The following GRIP1 variants were observed in gnomAD, a reference collection of about 807,000 sequenced individuals.
GRIP1 encodes glutamate receptor-interacting protein 1.
A neutral mutation model predicts 129.9 loss-of-function variants in GRIP1; 45 were observed. That is an observed-to-expected ratio of 0.35 (90% CI 0.27 to 0.44). The LOEUF (loss-of-function observed/expected upper bound fraction) is 0.44, where lower values mean the gene tolerates loss of function less well. Ranked by LOEUF, GRIP1 falls within the 20% of genes least tolerant of loss-of-function variation. The pLI is 1.00. For missense variants in GRIP1, 1,196 were observed against 1,396.8 expected, an observed-to-expected ratio of 0.86 and a Z score of 2.29; for synonymous variants, 530 against 520.8, an observed-to-expected ratio of 1.02 and a Z score of -0.24.
In GRIP1 at chr12:66,519,474, T is replaced by C. The variant is rs1473780368; in HGVS notation, c.503-1498A>G. ...AAAGGAAAACTGATTGAGAAAAGGATGGGGGTCAAAGATAGCAAGAAATCG... is the reference window on the plus strand; with the variant it reads ...AAAGGAAAACTGATTGAGAAAAGGACGGGGGTCAAAGATAGCAAGAAATCG... On this transcript the variant is annotated intron_variant, in intron 5 of 24. Transcript: ENST00000359742. 2.0e-5 allele frequency among the ~76,000 whole-genome samples: 3 copies of C among 152,178 alleles called. No homozygotes were observed. In the East Asian group the frequency reaches 5.8e-4, roughly 29 times the overall value.
intron 1 of GRIP1, among the ~76,000 whole-genome samples, chr12:66,792,845 A>G (rs949807846): frequency 6.6e-6 from 1 of 152,200 alleles, no homozygotes; most frequent in African/African-American, 2.4e-5. Flanking sequence ...CATAAATTAC[A>G]TAACTTGACA....
chr12:66,702,176 C>T (rs1380307317), intron 1 of GRIP1, among the ~76,000 whole-genome samples: 2 of 152,136 alleles, frequency 1.3e-5, no homozygotes, highest in Non-Finnish European at 2.9e-5. Flanking sequence ...TTGGGCTAAT[C>T]TTTAAATATT....
intron 1 of GRIP1, among the ~76,000 whole-genome samples, chr12:66,874,595 A>G (rs1039026325): frequency 2.0e-4 from 31 of 152,170 alleles, no homozygotes; most frequent in African/African-American, 7.2e-4. Flanking sequence ...CAATCATGGA[A>G]GAAGGCGAAG....
intron 1 of GRIP1, among the ~76,000 whole-genome samples, chr12:66,821,456 C>T (rs867037304): frequency 1.3e-5 from 2 of 152,094 alleles, no homozygotes; most frequent in South Asian, 2.1e-4. Flanking sequence ...TCGTGGTTTC[C>T]CCCTAACATC....
chr12:66,971,151 T>C (rs1322362386), intron 1 of GRIP1, among the ~76,000 whole-genome samples: 1 of 152,202 alleles, frequency 6.6e-6, no homozygotes, highest in Non-Finnish European at 1.5e-5. Flanking sequence ...TTCTAGTCTA[T>C]GGTTCCAGTT....
intron 1 of GRIP1, among the ~76,000 whole-genome samples, chr12:66,603,072 C>T (rs1415213639): frequency 6.6e-6 from 1 of 151,238 alleles, no homozygotes; most frequent in Admixed American, 6.6e-5. Flanking sequence ...GTTGCCCAGG[C>T]TGGTCTCAAA....
intron 1 of GRIP1, among the ~76,000 whole-genome samples, chr12:66,999,346 GA>G (rs1315635573): frequency 2.6e-5 from 4 of 152,216 alleles, no homozygotes; most frequent in Non-Finnish European, 5.9e-5. Context: ...AAGGAAGTTG[GA>G]ATTTCCATTT....
chr12:66,397,506 C>T (rs542352612), intron 16 of GRIP1, among the ~76,000 whole-genome samples: 3 of 148,786 alleles, frequency 2.0e-5, no homozygotes, highest in South Asian at 4.2e-4. Flanking sequence ...CAGCAAGACA[C>T]CCTCTAAAAA....
At chr12:66,815,694 G>A (rs1282467109) in intron 1 of GRIP1, among the ~76,000 whole-genome samples, 3 of 152,034 alleles carry the variant, frequency 2.0e-5, no homozygotes, top group East Asian at 3.9e-4. Flanking sequence ...AGCTCGGGAA[G>A]TAGAGGCTGC....
chr12:66,906,299 G>A (rs1188045682), intron 1 of GRIP1, among the ~76,000 whole-genome samples: 1 of 151,748 alleles, frequency 6.6e-6, no homozygotes, highest in East Asian at 1.9e-4. Flanking sequence ...GCTGGGCATG[G>A]TGGACACACT....
rs180722701 is a variant in GRIP1, at chr12:66,641,411, C to A, written c.55+37439G>T. ...GGGGGAGGAAGGGGTGGGCCTGGATCCCTGAACACATTCTTATTTAGTTTT... is the reference window on the plus strand; with the variant it reads ...GGGGGAGGAAGGGGTGGGCCTGGATACCTGAACACATTCTTATTTAGTTTT... On this transcript the variant is annotated intron_variant, in intron 1 of 24. Transcript: ENST00000359742. 8.5e-5 allele frequency among the ~76,000 whole-genome samples: 13 copies of A among 152,284 alleles called. No homozygotes were observed. The East Asian group carries it at 1.7e-3, about 20-fold the overall frequency.
intron 1 of GRIP1, among the ~76,000 whole-genome samples, chr12:66,820,818 TA>T (rs76089949): frequency 0.013 from 1,924 of 144,216 alleles, 47 homozygotes; most frequent in East Asian, 0.12. Context: ...GGGAGACAAT[TA>T]AAAAAAAAAA....
intron 2 of GRIP1, among the ~76,000 whole-genome samples, chr12:66,559,481 A>G (rs1234844926): frequency 6.6e-6 from 1 of 152,158 alleles, no homozygotes; most frequent in Non-Finnish European, 1.5e-5. Context: ...ATTCAGTGAA[A>G]TTGCAGAATA....
intron 1 of GRIP1, among the ~76,000 whole-genome samples, chr12:66,698,483 G>A (rs1469861291): frequency 6.6e-6 from 1 of 152,156 alleles, no homozygotes. Flanking sequence ...ACACACGCAA[G>A]GCAGAACTTC....
intron 9 of GRIP1, among the ~76,000 whole-genome samples, chr12:66,459,180 T>C (rs918492803): frequency 6.6e-6 from 1 of 152,184 alleles, no homozygotes; most frequent in Non-Finnish European, 1.5e-5. Context: ...AATGAATGAA[T>C]AAACAAATGC....
At chr12:66,890,965 T>G (rs933680301) in intron 1 of GRIP1, among the ~76,000 whole-genome samples, 4 of 152,184 alleles carry the variant, frequency 2.6e-5, no homozygotes, top group Non-Finnish European at 5.9e-5. Flanking sequence ...ACATATGGAT[T>G]TGAAAGGGAA....
intron 7 of GRIP1, among the ~76,000 whole-genome samples, chr12:66,490,906 T>G (rs911784581): frequency 2.0e-5 from 3 of 152,028 alleles, no homozygotes; most frequent in African/African-American, 7.2e-5. Flanking sequence ...AAAACAACAA[T>G]GAGATACCAT....
At chr12:67,066,677 T>C (rs2043631349) in intron 1 of GRIP1, among the ~76,000 whole-genome samples, 1 of 152,020 alleles carries the variant, frequency 6.6e-6, no homozygotes. Context: ...TTTTTGTTTA[T>C]ATTTAAAAGA....
chr12:66,929,135 A>G (rs1240768076), intron 1 of GRIP1, among the ~76,000 whole-genome samples: 1 of 152,200 alleles, frequency 6.6e-6, no homozygotes, highest in Non-Finnish European at 1.5e-5. Flanking sequence ...AAGAACCCAG[A>G]TTAGAAGTTT....
Sources: allele counts gnomAD v4.1 joint callset (sites outside exome capture counted in the v4.1 genomes callset), GRCh38; gene constraint gnomAD v4.1.1; transcripts MANE v1.5; gene names NCBI Gene and HGNC (gene_info 2026-07-23, HGNC 2026-07-21).